Variants in LRRFIP2 observed in about 807,000 individuals in gnomAD.
LRRFIP2 encodes the protein LRR binding FLII interacting protein 2.
LRRFIP2 carries 109 observed loss-of-function variants against 125.9 expected under a neutral mutation model. The observed-to-expected ratio is 0.87, with a 90% CI of 0.74 to 1.01. LRRFIP2 has a LOEUF of 1.01. Among genes scored for constraint, LRRFIP2 ranks in the 50% least tolerant of loss-of-function variants. LRRFIP2 has a pLI of 0.00. For synonymous variants in LRRFIP2, 291 were observed against 293.1 expected, an observed-to-expected ratio of 0.99 and a Z score of 0.07; for missense variants, 850 against 862.3, an observed-to-expected ratio of 0.99 and a Z score of 0.18.
upstream of LRRFIP2, chr3:37,175,177 CTCT>C (rs551948767): frequency 6.6e-6 from 1 of 152,204 alleles, no homozygotes; most frequent in Non-Finnish European, 1.5e-5. Flanking sequence ...CTCTCCTTCT[CTCT>C]TGTTTCATTA....
chr3:37,129,056 A>T lies in LRRFIP2; in HGVS notation c.177+7T>A. Reference sequence around the variant, plus strand: ...AATATGAAATTAGGGTTATTCCCTCAAATTACCTCTTTTTGTTGTCGTTCC... The same window carrying T: ...AATATGAAATTAGGGTTATTCCCTCTAATTACCTCTTTTTGTTGTCGTTCC... On this transcript the variant is annotated splice_region_variant and intron_variant, in intron 3 of 27. Transcript: ENST00000336686. The T allele has an allele frequency of 6.2e-7, 1 of 1,613,518 alleles. No homozygotes were observed.
intron 1 of LRRFIP2, among the ~76,000 whole-genome samples, chr3:37,151,532 A>G (rs1241703021): frequency 6.6e-6 from 1 of 152,080 alleles, no homozygotes; most frequent in East Asian, 1.9e-4. Flanking sequence ...CAGTGTATAC[A>G]TTGCTGGTGG....
At chr3:37,163,140 T>C (rs978978875) in intron 1 of LRRFIP2, among the ~76,000 whole-genome samples, 1 of 152,134 alleles carries the variant, frequency 6.6e-6, no homozygotes, top group Admixed American at 6.5e-5. Context: ...CAATGACTTA[T>C]CCAAAAAAGA....
At chr3:37,058,985 C>T in intron 24 of LRRFIP2, 75 bp from the exon 25 acceptor site, 1 of 1,585,842 alleles carries the variant, frequency 6.3e-7, no homozygotes, top group Non-Finnish European at 8.6e-7. Context: ...ATGGTCACAT[C>T]ATAGAACAAA....
At chr3:37,115,826 A>G (rs1343093766) in intron 6 of LRRFIP2, among the ~76,000 whole-genome samples, 2 of 152,248 alleles carry the variant, frequency 1.3e-5, no homozygotes, top group African/African-American at 2.4e-5. Flanking sequence ...TTTCAAATCC[A>G]GGGAAGAAAA....
At chr3:37,108,277 C>T (rs1576714721) in intron 12 of LRRFIP2, 148 bp from the exon 13 acceptor site, 3 of 644,498 alleles carry the variant, frequency 4.7e-6, no homozygotes, top group East Asian at 5.6e-5. Flanking sequence ...TACCTCATCC[C>T]CACCCTCAAG....
intron 6 of LRRFIP2, among the ~76,000 whole-genome samples, chr3:37,119,635 C>T (rs1420719633): frequency 6.6e-6 from 1 of 152,064 alleles, no homozygotes; most frequent in Non-Finnish European, 1.5e-5. Context: ...TTGACTGACT[C>T]CCTGCATGAT....
intron 17 of LRRFIP2, chr3:37,093,229 C>T (rs1358002727): frequency 6.5e-6 from 1 of 153,102 alleles, no homozygotes; most frequent in Admixed American, 6.5e-5. Flanking sequence ...TGCACTCAGA[C>T]TAGCCCCTAC....
At chr3:37,152,997 G>T (rs886212807) in intron 1 of LRRFIP2, among the ~76,000 whole-genome samples, 4 of 152,290 alleles carry the variant, frequency 2.6e-5, no homozygotes, top group Non-Finnish European at 5.9e-5. Context: ...AATAGATTTG[G>T]CTGGAAGTAT....
intron 1 of LRRFIP2, among the ~76,000 whole-genome samples, chr3:37,160,080 C>T (rs2096295807): frequency 6.7e-6 from 1 of 149,354 alleles, no homozygotes; most frequent in Non-Finnish European, 1.5e-5. Flanking sequence ...CATTGCTAGG[C>T]TATTACCTCA....
chr3:37,141,455 G>A (rs999620031), intron 2 of LRRFIP2, among the ~76,000 whole-genome samples: 8 of 152,088 alleles, frequency 5.3e-5, no homozygotes, highest in African/African-American at 1.2e-4. Context: ...TTTACACCCC[G>A]GTGTCTATAG....
At chr3:37,121,833 G>GCCA in intron 4 of LRRFIP2, 142 bp from the exon 5 acceptor site, 1 of 679,120 alleles carries the variant, frequency 1.5e-6, no homozygotes, top group Non-Finnish European at 2.6e-6. Context: ...CTTAGGGGCA[G>GCCA]CCACATTCGT....
intron 18 of LRRFIP2, among the ~76,000 whole-genome samples, chr3:37,086,544 T>TA (rs1490317185): frequency 6.6e-6 from 1 of 152,108 alleles, no homozygotes; most frequent in Non-Finnish European, 1.5e-5. Context: ...ATCTAGCCAT[T>TA]AAAAAAAGAC....
At chr3:37,133,906 G>A (rs751339937) in intron 2 of LRRFIP2, among the ~76,000 whole-genome samples, 5 of 151,898 alleles carry the variant, frequency 3.3e-5, no homozygotes, top group Admixed American at 6.6e-5. Context: ...AGAGTCTTTC[G>A]GCTGATATGA....
chr3:37,110,753 T>G (rs1316042355), intron 9 of LRRFIP2, among the ~76,000 whole-genome samples: 1 of 149,490 alleles, frequency 6.7e-6, no homozygotes, highest in Non-Finnish European at 1.5e-5. Context: ...ACTTTTTTTG[T>G]ACATTTAAAC....
At chr3:37,121,720 T>C in intron 4 of LRRFIP2, 29 bp from the exon 5 acceptor site, 8 of 1,605,496 alleles carry the variant, frequency 5.0e-6, no homozygotes, top group Non-Finnish European at 6.8e-6. Flanking sequence ...CATGGAGAGT[T>C]AATCACTGAA....
At chr3:37,155,513 T>G (rs2096161270) in intron 1 of LRRFIP2, among the ~76,000 whole-genome samples, 1 of 152,252 alleles carries the variant, frequency 6.6e-6, no homozygotes, top group Non-Finnish European at 1.5e-5. Flanking sequence ...GAGAAATTTT[T>G]AAGGTACTTT....
chr3:37,096,408 C>T (rs2093720595), intron 16 of LRRFIP2, among the ~76,000 whole-genome samples: 1 of 152,156 alleles, frequency 6.6e-6, no homozygotes, highest in African/African-American at 2.4e-5. Context: ...AGGTGACATT[C>T]AAGGAAATAA....
intron 6 of LRRFIP2, among the ~76,000 whole-genome samples, chr3:37,116,874 T>C (rs1350296797): frequency 6.6e-6 from 1 of 152,136 alleles, no homozygotes; most frequent in African/African-American, 2.4e-5. Context: ...TAAATACCAA[T>C]TTTATTGGAG....
Sources: allele counts gnomAD v4.1 joint callset (sites outside exome capture counted in the v4.1 genomes callset), GRCh38; gene constraint gnomAD v4.1.1; transcripts MANE v1.5; gene names NCBI Gene and HGNC (gene_info 2026-07-23, HGNC 2026-07-21).